NCAM2: variants seen among roughly 807,000 people sequenced by gnomAD.
NCAM2 encodes neural cell adhesion molecule 2, also known as N-CAM-2.
Under a neutral mutation model 98.1 loss-of-function variants are expected in NCAM2, and 30 were observed. The observed-to-expected ratio is 0.31, with a 90% CI of 0.23 to 0.41. The LOEUF is 0.41. Among genes scored for constraint, NCAM2 ranks in the 10% least tolerant of loss-of-function variants. NCAM2 has a pLI of 1.00. For synonymous variants in NCAM2, 368 were observed against 342.4 expected (o/e 1.07, Z -0.83); for missense variants, 867 against 1,005.8 (o/e 0.86, Z 1.87).
chr21:21,152,878 A>G (rs2067488270), intron 1 of NCAM2, among the ~76,000 whole-genome samples: 1 of 151,952 alleles, frequency 6.6e-6, no homozygotes. Flanking sequence ...CTGTTCTATA[A>G]TAATCTGACA....
chr21:21,129,701 T>A (rs2146606868), intron 1 of NCAM2, among the ~76,000 whole-genome samples: 1 of 152,316 alleles, frequency 6.6e-6, no homozygotes, highest in Non-Finnish European at 1.5e-5. Flanking sequence ...TGTTGCCACC[T>A]TTTAATACTA....
In NCAM2 at chr21:21,367,247, A is replaced by G. The variant is rs1024189339; in HGVS notation, c.1045-6616A>G. ...TCTTTATCTATTGGTGATTTTTTTT[A>G]TAGATTTAGGGGGTACAACTAAAGT... On this transcript the variant is annotated intron_variant, in intron 8 of 17. Coordinates refer to ENST00000400546, the MANE Select transcript of NCAM2 (RefSeq NM_004540.5). Among the ~76,000 whole-genome samples, 4 of 151,826 alleles carry G rather than the reference A, an allele frequency of 2.6e-5. No homozygotes were observed. The East Asian group carries it at 5.8e-4, about 22-fold the overall frequency.
chr21:21,265,451 CAT>C (rs769643695), intron 1 of NCAM2, among the ~76,000 whole-genome samples: 1,412 of 102,012 alleles, frequency 0.014, 128 homozygotes, highest in African/African-American at 0.041. Context: ...TATATACACA[CAT>C]ATATAATATA....
chr21:21,081,763 T>C (rs1039257791), intron 1 of NCAM2, among the ~76,000 whole-genome samples: 3 of 151,340 alleles, frequency 2.0e-5, no homozygotes, highest in African/African-American at 7.3e-5. Flanking sequence ...ATCTTGCCAC[T>C]GCACTCCAGC....
At chr21:21,225,079 T>C (rs1191712902) in intron 1 of NCAM2, among the ~76,000 whole-genome samples, 2 of 151,962 alleles carry the variant, frequency 1.3e-5, no homozygotes, top group African/African-American at 2.4e-5. Context: ...TATGCAGCCA[T>C]GGAAAGGAAT....
chr21:21,510,451 T>C (rs1261161100), intron 16 of NCAM2, among the ~76,000 whole-genome samples: 2 of 152,108 alleles, frequency 1.3e-5, no homozygotes, highest in African/African-American at 4.8e-5. Flanking sequence ...GTGTCTACCC[T>C]TCTGTATCTG....
chr21:21,528,547 C>A (rs2146408949), intron 16 of NCAM2, among the ~76,000 whole-genome samples: 1 of 152,224 alleles, frequency 6.6e-6, no homozygotes, highest in East Asian at 1.9e-4. Context: ...TAAAATTATT[C>A]TTTGTAGTTT....
intron 1 of NCAM2, among the ~76,000 whole-genome samples, chr21:21,230,449 A>T (rs2070577049): frequency 6.6e-6 from 1 of 151,384 alleles, no homozygotes. Context: ...TTACTGGACC[A>T]TGTATTCCAA....
At chr21:21,047,084 G>C (rs1601195461) in intron 1 of NCAM2, among the ~76,000 whole-genome samples, 1 of 258 alleles carries the variant, frequency 3.9e-3, no homozygotes, top group Admixed American at 0.045. Flanking sequence ...CATCACTTGT[G>C]TTGTGTACGA....
At chr21:21,166,644 G>A (rs564482662) in intron 1 of NCAM2, among the ~76,000 whole-genome samples, 53 of 152,246 alleles carry the variant, frequency 3.5e-4, no homozygotes, top group African/African-American at 1.2e-3. Flanking sequence ...ATTCCACTCA[G>A]TCATTAAAAG....
intron 8 of NCAM2, among the ~76,000 whole-genome samples, chr21:21,351,813 C>A (rs2075348153): frequency 6.6e-6 from 1 of 152,202 alleles, no homozygotes; most frequent in Non-Finnish European, 1.5e-5. Flanking sequence ...GTGGCACGAT[C>A]TCGGCTCACT....
intron 1 of NCAM2, among the ~76,000 whole-genome samples, chr21:21,056,050 G>A (rs1048268168): frequency 6.6e-6 from 1 of 151,716 alleles, no homozygotes; most frequent in South Asian, 2.1e-4. Flanking sequence ...CTCTCTCTAG[G>A]TAAAGAAATT....
chr21:21,169,238 C>A (rs1328180465), intron 1 of NCAM2, among the ~76,000 whole-genome samples: 3 of 151,926 alleles, frequency 2.0e-5, no homozygotes, highest in Non-Finnish European at 4.4e-5. Context: ...TATCCACTTG[C>A]AAAAACTGAA....
intron 1 of NCAM2, among the ~76,000 whole-genome samples, chr21:21,272,502 GCGCGCGCACA>G (rs1568867301): frequency 1.1e-4 from 6 of 55,614 alleles, no homozygotes; most frequent in Non-Finnish European, 2.6e-4. Flanking sequence ...ACACATGCGC[GCGCGCGCACA>G]CACACACACA....
At chr21:21,374,724 G>A (rs1026935158) in intron 9 of NCAM2, among the ~76,000 whole-genome samples, 1 of 151,750 alleles carries the variant, frequency 6.6e-6, no homozygotes, top group Non-Finnish European at 1.5e-5. Context: ...ATCAATATTG[G>A]AGAGTCTCTG....
intron 6 of NCAM2, among the ~76,000 whole-genome samples, chr21:21,333,622 G>A (rs1376835839): frequency 3.3e-5 from 5 of 152,040 alleles, no homozygotes; most frequent in Non-Finnish European, 5.9e-5. Context: ...TTATTAATGG[G>A]TGAGCCTGTC....
intron 5 of NCAM2, among the ~76,000 whole-genome samples, chr21:21,302,727 C>A (rs2073758138): frequency 6.6e-6 from 1 of 152,056 alleles, no homozygotes; most frequent in African/African-American, 2.4e-5. Flanking sequence ...ATATACTATT[C>A]AACCCAGCAA....
intron 1 of NCAM2, among the ~76,000 whole-genome samples, chr21:21,160,446 G>T (rs1358071362): frequency 6.6e-6 from 1 of 151,836 alleles, no homozygotes; most frequent in Non-Finnish European, 1.5e-5. Flanking sequence ...ATATGAGAAT[G>T]GCTATTTTAT....
rs115358867 is a variant in NCAM2 at position 21,080,697 on chromosome 21, C to T, written c.55+82079C>T. 3.3e-3 allele frequency among the ~76,000 whole-genome samples: 475 copies of T among 145,326 alleles called. 5 individuals are homozygous for T. The highest frequency in any genetic ancestry group is 0.012 in the African/African-American group (457 of 39,734). On this transcript the variant is annotated intron_variant, in intron 1 of 17. Transcript: ENST00000400546. Reference sequence around the variant, plus strand: ...AAAAAAAAACCAACATTGATTCATACCCCTAACATTTATTACTCTCTAAAT... The same window carrying T: ...AAAAAAAAACCAACATTGATTCATATCCCTAACATTTATTACTCTCTAAAT...
Sources: gnomAD v4.1 joint callset for allele counts (sites outside exome capture counted in the v4.1 genomes callset) on GRCh38, gnomAD v4.1.1 for gene constraint, MANE v1.5 for transcripts, NCBI Gene and HGNC (gene_info 2026-07-23, HGNC 2026-07-21) for gene names.